Variants in UNC5C observed in about 807,000 individuals in gnomAD.
UNC5C encodes the protein unc-5 netrin receptor C.
Under a neutral mutation model 99.8 loss-of-function variants are expected in UNC5C, and 47 were observed. The observed-to-expected ratio is 0.47, with a 90% confidence interval of 0.37 to 0.60. The LOEUF (loss-of-function observed/expected upper bound fraction) is 0.60, where lower values mean the gene tolerates loss of function less well. Ranked by LOEUF, UNC5C falls within the 20% of genes least tolerant of loss-of-function variation. The probability of loss-of-function intolerance (pLI) is 0.00; values close to 1 mark genes in which losing one functional copy is unlikely to be tolerated. For synonymous variants in UNC5C, 487 were observed against 452.2 expected, an observed-to-expected ratio of 1.08 and a Z score of -0.98; for missense variants, 1,062 against 1,165.9, an observed-to-expected ratio of 0.91 and a Z score of 1.30.
chr4:95,205,199 T>G (rs1737829003), intron 11 of UNC5C, among the ~76,000 whole-genome samples: 1 of 152,214 alleles, frequency 6.6e-6, no homozygotes. Context: ...CTGCTCAGTT[T>G]ATTGTTAATG....
chr4:95,209,266 C>T (rs1340151573), intron 10 of UNC5C, among the ~76,000 whole-genome samples: 2 of 152,218 alleles, frequency 1.3e-5, no homozygotes, highest in African/African-American at 4.8e-5. Flanking sequence ...CTTTGATCCA[C>T]AAGACTTGTG....
At chr4:95,475,890 T>A (rs914551422) in intron 1 of UNC5C, among the ~76,000 whole-genome samples, 3 of 152,256 alleles carry the variant, frequency 2.0e-5, no homozygotes, top group Non-Finnish European at 4.4e-5. Flanking sequence ...CCTCGCTACA[T>A]CTTATGACAA....
chr4:95,489,857 A>G (rs1371366581), intron 1 of UNC5C, among the ~76,000 whole-genome samples: 1 of 151,664 alleles, frequency 6.6e-6, no homozygotes, highest in Non-Finnish European at 1.5e-5. Flanking sequence ...GGAGACATTA[A>G]CTATGCAGAT....
At chr4:95,409,973 C>A (rs143933837) in intron 1 of UNC5C, among the ~76,000 whole-genome samples, 120 of 152,220 alleles carry the variant, frequency 7.9e-4, no homozygotes, top group African/African-American at 2.6e-3. Flanking sequence ...GTTTCCACAC[C>A]CAATCTCCCA....
intron 1 of UNC5C, among the ~76,000 whole-genome samples, chr4:95,500,488 G>GT (rs1195258844): frequency 2.0e-5 from 3 of 152,154 alleles, no homozygotes; most frequent in Admixed American, 6.6e-5. Context: ...ACATTAATAA[G>GT]TTTTTTCCTA....
intron 1 of UNC5C, among the ~76,000 whole-genome samples, chr4:95,430,004 G>A (rs1196646445): frequency 6.6e-6 from 1 of 152,066 alleles, no homozygotes; most frequent in African/African-American, 2.4e-5. Context: ...GGGGGTTAGT[G>A]GGGAGGGAGA....
At chr4:95,357,958 T>TACTG (rs939363750) in intron 1 of UNC5C, among the ~76,000 whole-genome samples, 2 of 152,170 alleles carry the variant, frequency 1.3e-5, no homozygotes, top group African/African-American at 4.8e-5. Context: ...GTGTCTTGAC[T>TACTG]ACTGCTTTTT....
rs1054802041 is a variant in UNC5C, at chr4:95,163,222, G to A, written c.*6012C>T. The A allele has an allele frequency of 1.3e-5, 2 of 152,196 alleles. No individual in the cohort carries two copies. The highest frequency in any genetic ancestry group is 2.9e-5 in the Non-Finnish European group (2 of 68,042). 9.4% of individuals were successfully genotyped at this position (152,196 alleles called of 1,614,324 possible). A position where few individuals can be genotyped will look rare whatever the true frequency, so the allele number is the denominator to read the frequency against. On this transcript the variant is annotated 3_prime_UTR_variant, in exon 16 of 16. Transcript: ENST00000453304. ...TTTTTCTTGTCCATGGCCTGGAGGA[G>A]TAGACATCTGAGTTTTTACCCCTAC...
chr4:95,437,239 T>C (rs1746821906), intron 1 of UNC5C, among the ~76,000 whole-genome samples: 1 of 151,870 alleles, frequency 6.6e-6, no homozygotes, highest in African/African-American at 2.4e-5. Flanking sequence ...ATATTAAATG[T>C]ATTTTATTTA....
chr4:95,313,815 A>T (rs548320685), intron 2 of UNC5C, among the ~76,000 whole-genome samples: 1 of 152,362 alleles, frequency 6.6e-6, no homozygotes, highest in South Asian at 2.1e-4. Context: ...TATTGCAACT[A>T]GGTGACTGAA....
chr4:95,424,732 C>T (rs1345669454), intron 1 of UNC5C, among the ~76,000 whole-genome samples: 2 of 151,658 alleles, frequency 1.3e-5, no homozygotes, highest in African/African-American at 2.4e-5. Flanking sequence ...ACTGTGTTAG[C>T]CAGGATGGTC....
chr4:95,448,304 T>A (rs1747180956), intron 1 of UNC5C, among the ~76,000 whole-genome samples: 1 of 148,008 alleles, frequency 6.8e-6, no homozygotes, highest in South Asian at 2.2e-4. Flanking sequence ...GGAAGAACAA[T>A]GAAGCATGGT....
At chr4:95,401,935 C>A (rs1745712221) in intron 1 of UNC5C, among the ~76,000 whole-genome samples, 1 of 152,164 alleles carries the variant, frequency 6.6e-6, no homozygotes, top group South Asian at 2.1e-4. Context: ...TCAAGGATGC[C>A]TTTTCGAAAG....
rs137997408 is a variant in UNC5C at position 95,389,039 on chromosome 4, C to T, written c.125-53408G>A. Among the ~76,000 whole-genome samples the T allele has an allele frequency of 1.8e-3, 278 of 152,194 alleles. 1 individual carries two copies. Among genetic ancestry groups the T allele is most frequent in the African/African-American group, 6.2e-3 (258 of 41,528 alleles). On this transcript the variant is annotated intron_variant, in intron 1 of 15. Transcript: ENST00000453304. ...ACAGGAAATGCTGCAAAAAGCTGCCCTAAGCATATTCCATGGATTTCCCAG... is the reference window on the plus strand; with the variant it reads ...ACAGGAAATGCTGCAAAAAGCTGCCTTAAGCATATTCCATGGATTTCCCAG...
At chr4:95,539,741 C>A (rs1003085307) in intron 1 of UNC5C, among the ~76,000 whole-genome samples, 3 of 151,960 alleles carry the variant, frequency 2.0e-5, no homozygotes, top group Non-Finnish European at 4.4e-5. Flanking sequence ...TTCTTCATTT[C>A]GTTAAGAATC....
At chr4:95,524,817 G>A (rs1722457006) in intron 1 of UNC5C, among the ~76,000 whole-genome samples, 1 of 152,150 alleles carries the variant, frequency 6.6e-6, no homozygotes, top group Non-Finnish European at 1.5e-5. Context: ...AAAGCAGCTG[G>A]AACCGGGAGC....
intron 9 of UNC5C, among the ~76,000 whole-genome samples, chr4:95,217,497 A>T (rs1738293329): frequency 6.6e-6 from 1 of 152,250 alleles, no homozygotes; most frequent in Non-Finnish European, 1.5e-5. Flanking sequence ...AACATAAAAC[A>T]TACCTTAATC....
chr4:95,273,844 C>A (rs1740754335), intron 4 of UNC5C, among the ~76,000 whole-genome samples: 1 of 152,014 alleles, frequency 6.6e-6, no homozygotes, highest in Admixed American at 6.6e-5. Flanking sequence ...TGGAACCTTG[C>A]CCTCAGGGTT....
At chr4:95,351,044 CAG>C (rs1743969672) in intron 1 of UNC5C, among the ~76,000 whole-genome samples, 2 of 152,122 alleles carry the variant, frequency 1.3e-5, no homozygotes, top group Admixed American at 6.6e-5. Flanking sequence ...CCTGGCCAGG[CAG>C]ACACTGTCAG....
Sources: gnomAD v4.1 joint callset for allele counts (sites outside exome capture counted in the v4.1 genomes callset) on GRCh38, gnomAD v4.1.1 for gene constraint, MANE v1.5 for transcripts, NCBI Gene and HGNC (gene_info 2026-07-23, HGNC 2026-07-21) for gene names.